Variants in SGCZ observed in about 807,000 individuals in gnomAD.
SGCZ encodes sarcoglycan zeta.
SGCZ carries 40 observed loss-of-function variants against 41.3 expected under a neutral mutation model. The observed-to-expected ratio is 0.97, with a 90% CI of 0.75 to 1.26. SGCZ has a LOEUF of 1.26. Among genes scored for constraint, SGCZ ranks in the 50% most tolerant of loss-of-function variants. SGCZ has a pLI of 0.00. For missense variants in SGCZ, 552 were observed against 369.8 expected, an observed-to-expected ratio of 1.49 and a Z score of -4.04; for synonymous variants, 206 against 137.5, an observed-to-expected ratio of 1.50 and a Z score of -3.49.
At position 14,215,953 on chromosome 8, in the gene SGCZ, G is replaced by A. The variant is rs1585240503; in HGVS notation, c.424+21639C>T. Among the ~76,000 whole-genome samples the A allele has an allele frequency of 2.0e-5, 3 of 152,340 alleles. No individual in the cohort carries two copies. The East Asian group carries it at 5.8e-4, about 29-fold the overall frequency. ...AGGTACCCAGTGAAAGAGTGGGCTA[G>A]GGGACCAGGCCCCTCACAGACCCTG... On this transcript the variant is annotated intron_variant, in intron 4 of 7. Transcript: ENST00000382080.
intron 5 of SGCZ, among the ~76,000 whole-genome samples, chr8:14,150,395 C>T (rs577006144): frequency 2.8e-4 from 43 of 152,106 alleles, no homozygotes; most frequent in Non-Finnish European, 5.3e-4. Context: ...CAAAAGAAAA[C>T]ACACACATGG....
chr8:14,441,264 T>C (rs77616746), intron 2 of SGCZ, among the ~76,000 whole-genome samples: 9 of 152,180 alleles, frequency 5.9e-5, no homozygotes, highest in African/African-American at 2.2e-4. Flanking sequence ...CAGTTGTAGG[T>C]GCTGTCTCCT....
Position 14,575,442 on chromosome 8 carries a change from T to C in SGCZ, c.40-20516A>G, listed in dbSNP as rs138908803. ...ATAGCTGTTAAAGTGAAAATATGTA[T>C]ACCTTATTTTCCATAATTTGTGTAT... On this transcript the variant is annotated intron_variant, in intron 1 of 7. Transcript: ENST00000382080. Among the ~76,000 whole-genome samples, 283 of 152,346 alleles carry C rather than the reference T, an allele frequency of 1.9e-3. 2 individuals are homozygous for C. The highest frequency in any genetic ancestry group is 6.2e-3 in the African/African-American group (259 of 41,586).
chr8:14,498,477 C>T (rs1244550049), intron 2 of SGCZ, among the ~76,000 whole-genome samples: 1 of 151,928 alleles, frequency 6.6e-6, no homozygotes, highest in African/African-American at 2.4e-5. Flanking sequence ...TGACAGAAAA[C>T]ATTATTTTTG....
At chr8:14,278,879 T>G (rs1038433598) in intron 3 of SGCZ, among the ~76,000 whole-genome samples, 6 of 152,258 alleles carry the variant, frequency 3.9e-5, no homozygotes, top group Admixed American at 3.9e-4. Flanking sequence ...TTTAATAATC[T>G]ACAAGGTAGT....
intron 1 of SGCZ, among the ~76,000 whole-genome samples, chr8:14,742,011 C>T (rs1228177439): frequency 6.6e-6 from 1 of 151,728 alleles, no homozygotes; most frequent in Non-Finnish European, 1.5e-5. Context: ...TTATTTAAGG[C>T]ATAATTATTT....
chr8:14,766,727 A>ATTTTTTTTTTTTTTTT (rs33955290), intron 1 of SGCZ, among the ~76,000 whole-genome samples: 2 of 92,804 alleles, frequency 2.2e-5, no homozygotes, highest in Non-Finnish European at 4.0e-5. Context: ...ATGTCCAGCT[A>ATTTTTTTTTTTTTTTT]TTTTTTTTTT....
intron 1 of SGCZ, among the ~76,000 whole-genome samples, chr8:15,134,970 C>G (rs998041474): frequency 1.3e-5 from 2 of 152,094 alleles, no homozygotes; most frequent in African/African-American, 4.8e-5. Flanking sequence ...AATGTGGTTA[C>G]TCTAAGCGTT....
chr8:14,956,828 C>T (rs1182215695), intron 1 of SGCZ, among the ~76,000 whole-genome samples: 2 of 152,152 alleles, frequency 1.3e-5, no homozygotes. Flanking sequence ...AATAATAATA[C>T]ATTTCTACCA....
intron 1 of SGCZ, among the ~76,000 whole-genome samples, chr8:14,729,276 T>A (rs541797340): frequency 1.3e-5 from 2 of 152,210 alleles, no homozygotes; most frequent in South Asian, 4.1e-4. Context: ...AAGCCTTGGC[T>A]GATCCACACC....
intron 1 of SGCZ, among the ~76,000 whole-genome samples, chr8:15,114,215 C>G (rs1807177321): frequency 6.6e-6 from 1 of 152,164 alleles, no homozygotes; most frequent in Non-Finnish European, 1.5e-5. Context: ...CTGCACTAAT[C>G]ATTTTGTAGG....
intron 1 of SGCZ, among the ~76,000 whole-genome samples, chr8:15,065,301 A>C (rs2131017935): frequency 6.6e-6 from 1 of 152,188 alleles, no homozygotes; most frequent in South Asian, 2.1e-4. Context: ...AGGCAGAATT[A>C]GAAGATTCTT....
chr8:14,836,107 A>G (rs1215910001), intron 1 of SGCZ, among the ~76,000 whole-genome samples: 3 of 151,700 alleles, frequency 2.0e-5, no homozygotes, highest in Non-Finnish European at 4.4e-5. Flanking sequence ...TGCCCCCATC[A>G]TTTTTACTGC....
intron 1 of SGCZ, among the ~76,000 whole-genome samples, chr8:14,828,464 C>T (rs1484154495): frequency 1.3e-5 from 2 of 152,122 alleles, no homozygotes; most frequent in Non-Finnish European, 2.9e-5. Flanking sequence ...AACCTTTGTA[C>T]CTAAATGAGC....
At chr8:15,117,394 A>C (rs1438917266) in intron 1 of SGCZ, among the ~76,000 whole-genome samples, 1 of 152,146 alleles carries the variant, frequency 6.6e-6, no homozygotes, top group Non-Finnish European at 1.5e-5. Context: ...TATTTGCTCT[A>C]ATGTGCTGGG....
intron 1 of SGCZ, among the ~76,000 whole-genome samples, chr8:14,746,935 A>G (rs188552112): frequency 2.2e-4 from 33 of 152,334 alleles, no homozygotes; most frequent in African/African-American, 7.9e-4. Flanking sequence ...GGAAATTTAC[A>G]TGGAATGGGT....
At chr8:14,249,715 T>C (rs1799222339) in intron 3 of SGCZ, among the ~76,000 whole-genome samples, 1 of 152,122 alleles carries the variant, frequency 6.6e-6, no homozygotes, top group African/African-American at 2.4e-5. Flanking sequence ...GTCTTACCCT[T>C]TTCTTCCTCA....
In SGCZ at chr8:14,486,685, G is replaced by T. The variant is rs565550824; in HGVS notation, c.234+68047C>A. On this transcript the variant is annotated intron_variant, in intron 2 of 7. Coordinates refer to ENST00000382080, the MANE Select transcript of SGCZ (RefSeq NM_139167.4). ...ACCTCCTGGGATCAAGCAATGCTGCGCCTCAGCCTTCCAAGTAGCTGAGAC... is the reference window on the plus strand; with the variant it reads ...ACCTCCTGGGATCAAGCAATGCTGCTCCTCAGCCTTCCAAGTAGCTGAGAC... 1.4e-4 allele frequency among the ~76,000 whole-genome samples: 21 copies of T among 152,212 alleles called. No homozygotes were observed. In the South Asian group the frequency reaches 4.1e-3, roughly 30 times the overall value.
chr8:14,610,612 C>G (rs1510447), intron 1 of SGCZ, among the ~76,000 whole-genome samples: 118,528 of 152,012 alleles, frequency 0.78, 46,635 homozygotes, highest in Non-Finnish European at 0.83. Flanking sequence ...AGTCAGCTTG[C>G]ACACTAAGAG....
Sources: allele counts gnomAD v4.1 joint callset (sites outside exome capture counted in the v4.1 genomes callset), GRCh38; gene constraint gnomAD v4.1.1; transcripts MANE v1.5; gene names NCBI Gene and HGNC (gene_info 2026-07-23, HGNC 2026-07-21).